Variants in PPP1R1C observed in about 807,000 individuals in gnomAD.
PPP1R1C encodes the protein protein phosphatase 1 regulatory inhibitor subunit 1C, also known as protein phosphatase 1 regulatory subunit 1C.
In PPP1R1C, 15 loss-of-function variants were observed where a neutral mutation model predicts 17.4. The observed-to-expected ratio is 0.86, with a 90% CI of 0.58 to 1.33. The LOEUF (loss-of-function observed/expected upper bound fraction) is 1.33, where lower values mean the gene tolerates loss of function less well. Among genes scored for constraint, PPP1R1C ranks in the 40% most tolerant of loss-of-function variants. PPP1R1C has a pLI of 0.00. For missense variants in PPP1R1C, 143 were observed against 130.0 expected, an observed-to-expected ratio of 1.10 and a Z score of -0.48; for synonymous variants, 35 against 43.1, an observed-to-expected ratio of 0.81 and a Z score of 0.73.
In PPP1R1C at chr2:182,061,426, C is replaced by T. The variant is rs1015434623; in HGVS notation, c.143-16C>T. On this transcript the variant is annotated splice_polypyrimidine_tract_variant and intron_variant, in intron 2 of 4. Transcript: ENST00000682840. ...AATATTACATGCCTAATACATTCTA[C>T]CTACTTCTCTTACAGAAATAGATGA... 10 of 1,443,846 alleles carry T rather than the reference C, an allele frequency of 6.9e-6. No homozygotes were observed. Among genetic ancestry groups the T allele is most frequent in the African/African-American group, 1.5e-5 (1 of 66,966 alleles). The allele number at this position is 1,443,846 out of a possible 1,614,324, so 89.4% of individuals were successfully genotyped here. A position where few individuals can be genotyped will look rare whatever the true frequency, so the allele number is the denominator to read the frequency against.
chr2:181,998,278 C>A (rs1277328687), intron 2 of PPP1R1C, among the ~76,000 whole-genome samples: 1 of 152,170 alleles, frequency 6.6e-6, no homozygotes, highest in East Asian at 1.9e-4. Flanking sequence ...ATGCTAGGCT[C>A]GGTCTTTGCC....
chr2:181,977,267 A>G (rs1685110678), intron 2 of PPP1R1C, among the ~76,000 whole-genome samples: 1 of 150,096 alleles, frequency 6.7e-6, no homozygotes, highest in Non-Finnish European at 1.5e-5. Context: ...GTTTGTAATT[A>G]CATCCTCTGT....
intron 4 of PPP1R1C, among the ~76,000 whole-genome samples, chr2:182,090,252 C>G (rs1275652254): frequency 6.6e-6 from 1 of 150,744 alleles, no homozygotes; most frequent in Non-Finnish European, 1.5e-5. Context: ...GATATTATGT[C>G]AAACTACAGT....
rs535531263 is a variant in PPP1R1C at position 181,957,005 on chromosome 2, G to A, written n.111+2371G>A. ...AAACCTTAAAATTGATTTGGGACCA[G>A]AAAAATTTCATCAGCTGTTTTAATT... On this transcript the variant is annotated intron_variant and non_coding_transcript_variant, in intron 1 of 5. Coordinates refer to the PPP1R1C transcript ENST00000464264. This position sits in a 1 kb window ranked among gnomAD's most constrained non-coding sequence, Gnocchi z 4.2. 6.6e-6 allele frequency among the ~76,000 whole-genome samples: 1 copy of A among 152,282 alleles called. No individual in the cohort carries two copies. Among genetic ancestry groups the A allele is most frequent in the African/African-American group, 2.4e-5 (1 of 41,546 alleles).
chr2:182,037,438 T>G (rs1170832238), intron 2 of PPP1R1C, among the ~76,000 whole-genome samples: 1 of 151,938 alleles, frequency 6.6e-6, no homozygotes, highest in Non-Finnish European at 1.5e-5. Flanking sequence ...AATACAAAAA[T>G]TAGCTGGGTG....
intron 2 of PPP1R1C, among the ~76,000 whole-genome samples, chr2:182,004,852 G>T (rs983256172): frequency 6.6e-6 from 1 of 152,194 alleles, no homozygotes; most frequent in East Asian, 1.9e-4. Context: ...ATTGGAGGTG[G>T]TGATAAGAAA....
chr2:181,999,594 T>C lies in PPP1R1C; in HGVS notation c.142+11695T>C, dbSNP rs547362202. Among the ~76,000 whole-genome samples, 294 of 152,322 alleles carry C rather than the reference T, an allele frequency of 1.9e-3. 1 individual carries two copies. Among genetic ancestry groups the C allele is most frequent in the Non-Finnish European group, 3.5e-3 (235 of 68,018 alleles). Reference sequence around the variant, plus strand: ...TAAAATATAAGCAAGCTCCTCTTTGTAGCTTGGCCATGTGAGATTCTGTTT... The same window carrying C: ...TAAAATATAAGCAAGCTCCTCTTTGCAGCTTGGCCATGTGAGATTCTGTTT... On this transcript the variant is annotated intron_variant, in intron 2 of 4. Coordinates refer to ENST00000682840, the MANE Select transcript of PPP1R1C (RefSeq NM_001080545.3).
chr2:182,063,731 T>C lies in PPP1R1C; in HGVS notation c.181T>C (p.Leu61=), dbSNP rs747614083. ...DKRGPNTQGE[L]QNASPKQRKQ... Reference sequence around the variant, plus strand: ...TTTACTTTTTTCTCTTTCTCCACAGTTACAGAATGCATCCCCTAAGCAAAG... The same window carrying C: ...TTTACTTTTTTCTCTTTCTCCACAGCTACAGAATGCATCCCCTAAGCAAAG... Residue 61 remains leucine (L), a splice_region_variant and synonymous_variant, in exon 4 of 5, where the codon TTA becomes CTA. Transcript: ENST00000682840. 1.3e-5 allele frequency: 21 copies of C among 1,612,094 alleles called. No homozygotes were observed. The highest frequency in any genetic ancestry group is 1.7e-5 in the Non-Finnish European group (20 of 1,178,538).
At chr2:182,036,838 G>T (rs747776424) in intron 2 of PPP1R1C, among the ~76,000 whole-genome samples, 6 of 152,020 alleles carry the variant, frequency 3.9e-5, no homozygotes, top group Non-Finnish European at 8.8e-5. Context: ...GTTGTAAGTT[G>T]CATTTTCAAG....
At chr2:182,120,246 GTTTTGT>G (rs749954891), downstream of PPP1R1C, among the ~76,000 whole-genome samples, 21 of 152,214 alleles carry the variant, frequency 1.4e-4, no homozygotes, top group East Asian at 1.9e-3. Flanking sequence ...TGAGGGCTCT[GTTTTGT>G]TCCATTGGTC....
intron 1 of PPP1R1C, among the ~76,000 whole-genome samples, chr2:181,986,714 TA>T (rs1275281982): frequency 6.6e-6 from 1 of 152,210 alleles, no homozygotes; most frequent in East Asian, 1.9e-4. Flanking sequence ...TAGCTTTTTG[TA>T]CAGTTTTAAA....
At chr2:182,108,327 C>G (rs1349807825) in intron 4 of PPP1R1C, among the ~76,000 whole-genome samples, 1 of 152,006 alleles carries the variant, frequency 6.6e-6, no homozygotes. Context: ...ACATTCACTG[C>G]TTTCATCTCT....
chr2:182,039,529 C>G (rs923851158), intron 2 of PPP1R1C, among the ~76,000 whole-genome samples: 4 of 152,224 alleles, frequency 2.6e-5, no homozygotes, highest in Non-Finnish European at 5.9e-5. Flanking sequence ...GGACTCTAGG[C>G]GTGTGCCATG....
intron 2 of PPP1R1C, among the ~76,000 whole-genome samples, chr2:182,020,089 C>T (rs528359014): frequency 6.6e-6 from 1 of 152,278 alleles, no homozygotes; most frequent in South Asian, 2.1e-4. Flanking sequence ...AATTAGTTTT[C>T]AGAGGAGCAG....
chr2:182,054,298 A>G (rs1477142312), intron 2 of PPP1R1C, among the ~76,000 whole-genome samples: 1 of 152,230 alleles, frequency 6.6e-6, no homozygotes, highest in African/African-American at 2.4e-5. Context: ...CAAAACCATG[A>G]AATTGACATG....
chr2:182,030,499 G>T (rs1381959460), intron 2 of PPP1R1C, among the ~76,000 whole-genome samples: 3 of 150,474 alleles, frequency 2.0e-5, no homozygotes, highest in Non-Finnish European at 4.4e-5. Context: ...GCCCCTGCTG[G>T]GGGGTGCCTC....
intron 2 of PPP1R1C, among the ~76,000 whole-genome samples, chr2:181,998,893 A>G (rs1450495163): frequency 2.0e-5 from 3 of 152,130 alleles, no homozygotes; most frequent in Non-Finnish European, 4.4e-5. Context: ...CCAGAGACCC[A>G]CTCACCATCA....
intron 4 of PPP1R1C, among the ~76,000 whole-genome samples, chr2:182,076,365 T>A (rs1688311533): frequency 6.6e-6 from 1 of 151,534 alleles, no homozygotes; most frequent in Admixed American, 6.6e-5. Flanking sequence ...CGACTAATTT[T>A]TTTTTTTTGT....
intron 2 of PPP1R1C, among the ~76,000 whole-genome samples, chr2:182,041,983 TG>T (rs1687197184): frequency 6.6e-6 from 1 of 152,236 alleles, no homozygotes; most frequent in African/African-American, 2.4e-5. Context: ...AACTATTTTT[TG>T]AACTTCTGGT....
Sources: gnomAD v4.1 joint callset for allele counts (sites outside exome capture counted in the v4.1 genomes callset) on GRCh38, gnomAD v4.1.1 for gene constraint, Gnocchi (gnomAD v3.1) non-coding constraint, MANE v1.5 for transcripts, NCBI Gene and HGNC (gene_info 2026-07-23, HGNC 2026-07-21) for gene names.